NEGR1: variants seen among roughly 807,000 people sequenced by gnomAD.
NEGR1 encodes the protein neuronal growth regulator 1.
Under a neutral mutation model 40.9 loss-of-function variants are expected in NEGR1, and 10 were observed. That is an observed-to-expected ratio of 0.24 (90% CI 0.15 to 0.42). The LOEUF is 0.42. Among genes scored for constraint, NEGR1 ranks in the 10% least tolerant of loss-of-function variants. The pLI, the probability that NEGR1 is intolerant of heterozygous loss-of-function variation, is 1.00. For missense variants in NEGR1, 352 were observed against 438.9 expected (o/e 0.80, Z 1.77); for synonymous variants, 185 against 166.8 (o/e 1.11, Z -0.84).
intron 6 of NEGR1, among the ~76,000 whole-genome samples, chr1:71,433,665 C>G (rs1027835076): frequency 6.6e-6 from 1 of 152,158 alleles, no homozygotes; most frequent in African/African-American, 2.4e-5. Context: ...ATCACTACCA[C>G]GAGAACAGTA....
Position 71,751,446 on chromosome 1 carries a change from A to T in NEGR1, c.535+24726T>A, listed in dbSNP as rs145106498. ...GGGCATTTAAGAGGCTCTGTTGAGGATGTCTCTGAAAACCAATACTATTAA... is the reference window on the plus strand; with the variant it reads ...GGGCATTTAAGAGGCTCTGTTGAGGTTGTCTCTGAAAACCAATACTATTAA... On this transcript the variant is annotated intron_variant, in intron 3 of 6. Transcript: ENST00000357731. Among the ~76,000 whole-genome samples the T allele has an allele frequency of 2.0e-5, 3 of 152,328 alleles. No homozygotes were observed. In the East Asian group the frequency reaches 5.8e-4, roughly 29 times the overall value.
intron 1 of NEGR1, among the ~76,000 whole-genome samples, chr1:72,242,576 C>G (rs963863479): frequency 6.6e-6 from 1 of 151,600 alleles, no homozygotes; most frequent in South Asian, 2.1e-4. Context: ...AGGGGTTTAA[C>G]AAATTCTGTT....
intron 5 of NEGR1, among the ~76,000 whole-genome samples, chr1:71,607,159 C>T (rs961164354): frequency 4.6e-5 from 7 of 152,304 alleles, no homozygotes; most frequent in African/African-American, 1.4e-4. Flanking sequence ...TCTCTGACAG[C>T]TTCATGTTCC....
intron 6 of NEGR1, among the ~76,000 whole-genome samples, chr1:71,581,984 C>A (rs750015053): frequency 2.0e-5 from 3 of 151,604 alleles, no homozygotes; most frequent in Non-Finnish European, 2.9e-5. Flanking sequence ...GATTACAGGA[C>A]CAAGGCACTA....
intron 1 of NEGR1, among the ~76,000 whole-genome samples, chr1:72,045,166 G>A (rs971912536): frequency 6.6e-6 from 1 of 151,710 alleles, no homozygotes; most frequent in Non-Finnish European, 1.5e-5. Context: ...TTCATAATTG[G>A]AGCAAGAAAG....
rs1250752981 is a variant in NEGR1, at chr1:71,928,318, ATATACGTATATATG to A, written c.409+6747_409+6760del. ...TATATGTATATATACACACATATGT[ATATACGTATATATG>A]TATATATACACACATGTGTATATAT... On this transcript the variant is annotated intron_variant, in intron 2 of 6. Coordinates refer to ENST00000357731, the MANE Select transcript of NEGR1 (RefSeq NM_173808.3). 4.9e-4 allele frequency among the ~76,000 whole-genome samples: 61 copies of A among 125,556 alleles called. 2 individuals are homozygous for A. Among genetic ancestry groups the A allele is most frequent in the Non-Finnish European group, 8.0e-4 (47 of 58,530 alleles). 82.4% of individuals were successfully genotyped at this position (125,556 alleles called of 152,430 possible).
chr1:72,195,879 T>C (rs1306425787), intron 1 of NEGR1, among the ~76,000 whole-genome samples: 1 of 152,038 alleles, frequency 6.6e-6, no homozygotes, highest in African/African-American at 2.4e-5. Context: ...GTTATTGTGA[T>C]GGTACTGATG....
intron 2 of NEGR1, among the ~76,000 whole-genome samples, chr1:71,857,656 A>T (rs1659823031): frequency 1.4e-5 from 2 of 141,642 alleles, no homozygotes; most frequent in South Asian, 4.5e-4. Context: ...AAAAAAAAAA[A>T]TTGAACCACA....
chr1:71,855,656 T>C (rs928011868), intron 2 of NEGR1, among the ~76,000 whole-genome samples: 2 of 152,070 alleles, frequency 1.3e-5, no homozygotes, highest in African/African-American at 4.8e-5. Context: ...TTATGCATTC[T>C]TAACAGTCTT....
At chr1:71,502,669 A>T (rs1333690059) in intron 6 of NEGR1, among the ~76,000 whole-genome samples, 1 of 152,100 alleles carries the variant, frequency 6.6e-6, no homozygotes, top group African/African-American at 2.4e-5. Flanking sequence ...CAAACCTGAA[A>T]CTGTTATTCA....
intron 1 of NEGR1, among the ~76,000 whole-genome samples, chr1:71,947,921 A>G (rs1421908051): frequency 1.3e-5 from 2 of 152,198 alleles, no homozygotes; most frequent in African/African-American, 2.4e-5. Context: ...GTAAGCTACC[A>G]ACATATTTGA....
intron 6 of NEGR1, among the ~76,000 whole-genome samples, chr1:71,440,736 T>C (rs1646541697): frequency 1.3e-5 from 2 of 152,202 alleles, no homozygotes; most frequent in South Asian, 4.1e-4. Flanking sequence ...GTGATCCAAA[T>C]GCACATTAAA....
At chr1:71,752,258 C>CCATA (rs1655594388) in intron 3 of NEGR1, among the ~76,000 whole-genome samples, 1 of 152,058 alleles carries the variant, frequency 6.6e-6, no homozygotes, top group Non-Finnish European at 1.5e-5. Context: ...TACTTGCAGG[C>CCATA]CATAGGTTCT....
At chr1:72,267,655 C>A (rs1415809339) in intron 1 of NEGR1, among the ~76,000 whole-genome samples, 2 of 151,102 alleles carry the variant, frequency 1.3e-5, no homozygotes, top group African/African-American at 4.8e-5. Flanking sequence ...AATAAAATCA[C>A]AGAAGCATGA....
intron 1 of NEGR1, among the ~76,000 whole-genome samples, chr1:72,268,113 T>C (rs1557606094): frequency 6.6e-6 from 1 of 151,254 alleles, no homozygotes; most frequent in Non-Finnish European, 1.5e-5. Flanking sequence ...GAGACGTTAT[T>C]AGGGAGCAAA....
intron 6 of NEGR1, among the ~76,000 whole-genome samples, chr1:71,588,953 C>T (rs1649404410): frequency 6.6e-6 from 1 of 152,126 alleles, no homozygotes; most frequent in Admixed American, 6.6e-5. Context: ...GACATAAAGG[C>T]ATAACATCAG....
intron 1 of NEGR1, among the ~76,000 whole-genome samples, chr1:72,274,077 G>T (rs141987470): frequency 6.6e-6 from 1 of 151,300 alleles, no homozygotes; most frequent in African/African-American, 2.4e-5. Context: ...GACAGAAGTA[G>T]AGGCTCTGTC....
At chr1:71,711,908 A>C (rs1319551478) in intron 3 of NEGR1, among the ~76,000 whole-genome samples, 1 of 152,254 alleles carries the variant, frequency 6.6e-6, no homozygotes, top group African/African-American at 2.4e-5. Context: ...CATGCACAAA[A>C]TAAAATAGAT....
At chr1:72,101,144 A>G (rs1648921544) in intron 1 of NEGR1, among the ~76,000 whole-genome samples, 1 of 152,228 alleles carries the variant, frequency 6.6e-6, no homozygotes. Context: ...AGCACAGCAT[A>G]TAAGTTTGAC....
Sources: allele counts gnomAD v4.1 joint callset (sites outside exome capture counted in the v4.1 genomes callset), GRCh38; gene constraint gnomAD v4.1.1; transcripts MANE v1.5; gene names NCBI Gene and HGNC (gene_info 2026-07-23, HGNC 2026-07-21).